GPATCH2: variants seen among roughly 807,000 people sequenced by gnomAD.
GPATCH2 encodes the protein G patch domain-containing protein 2.
In GPATCH2, 51 loss-of-function variants were observed where a neutral mutation model predicts 58.0. The observed-to-expected ratio is 0.88, with a 90% CI of 0.70 to 1.11. The LOEUF is 1.11. GPATCH2 is among the 50% of genes most tolerant of loss of function. The pLI is 0.00. For missense variants in GPATCH2, 625 were observed against 652.2 expected, an observed-to-expected ratio of 0.96 and a Z score of 0.45; for synonymous variants, 222 against 218.5, an observed-to-expected ratio of 1.02 and a Z score of -0.14.
At chr1:217,474,745 GT>G (rs996279330) in intron 8 of GPATCH2, among the ~76,000 whole-genome samples, 33 of 152,052 alleles carry the variant, frequency 2.2e-4, no homozygotes, top group African/African-American at 7.5e-4. Flanking sequence ...TACCTGCTTG[GT>G]ATATTTTGGG....
chr1:217,457,753 C>T (rs535940065), intron 8 of GPATCH2, among the ~76,000 whole-genome samples: 1 of 152,246 alleles, frequency 6.6e-6, no homozygotes, highest in Non-Finnish European at 1.5e-5. Context: ...ACTTTTTCTT[C>T]ATTGTCCATT....
chr1:217,583,588 A>G (rs922729723), intron 5 of GPATCH2, among the ~76,000 whole-genome samples: 1 of 151,480 alleles, frequency 6.6e-6, no homozygotes, highest in Non-Finnish European at 1.5e-5. Flanking sequence ...AAAAAAAAAA[A>G]AAAGATAGAA....
At chr1:217,459,469 T>C (rs1048963121) in intron 8 of GPATCH2, among the ~76,000 whole-genome samples, 9 of 152,184 alleles carry the variant, frequency 5.9e-5, no homozygotes, top group Non-Finnish European at 1.2e-4. Context: ...ACCTAGGAAA[T>C]AGTAGGCACT....
chr1:217,627,592 T>C (rs1340514404), intron 1 of GPATCH2, among the ~76,000 whole-genome samples: 1 of 152,118 alleles, frequency 6.6e-6, no homozygotes, highest in Non-Finnish European at 1.5e-5. Context: ...TCCACTAACT[T>C]GTATTCAATC....
intron 5 of GPATCH2, among the ~76,000 whole-genome samples, chr1:217,593,745 G>A (rs1019444411): frequency 2.0e-5 from 3 of 151,638 alleles, no homozygotes; most frequent in South Asian, 2.1e-4. Flanking sequence ...CTATGTTTTC[G>A]GCAATCTGTA....
intron 8 of GPATCH2, among the ~76,000 whole-genome samples, chr1:217,449,803 G>A (rs1659575287): frequency 6.6e-6 from 1 of 152,088 alleles, no homozygotes; most frequent in Non-Finnish European, 1.5e-5. Flanking sequence ...TTAAATAGAA[G>A]GAAATAGTGA....
Position 217,428,924 on chromosome 1 carries a change from C to G in GPATCH2, c.*2221G>C, listed in dbSNP as rs1352911006. The G allele has an allele frequency of 6.6e-6, 1 of 152,136 alleles. No individual in the cohort carries two copies. The highest frequency in any genetic ancestry group is 1.9e-4 in the East Asian group (1 of 5,184). 9.4% of individuals were successfully genotyped at this position (152,136 alleles called of 1,614,324 possible). ...ACACTAGTCTGGTGTATATACTGCT[C>G]TTCTTCACTATGAGGGTTTTTACTT... On this transcript the variant is annotated 3_prime_UTR_variant, in exon 10 of 10. Transcript: ENST00000366935.
chr1:217,483,579 G>C (rs1661313412), intron 8 of GPATCH2, among the ~76,000 whole-genome samples: 1 of 152,184 alleles, frequency 6.6e-6, no homozygotes, highest in Non-Finnish European at 1.5e-5. Context: ...TATTCACGTG[G>C]AATGCATAGT....
chr1:217,614,331 ATT>A, intron 2 of GPATCH2, 129 bp from the exon 3 acceptor site: 1 of 559,640 alleles, frequency 1.8e-6, no homozygotes, highest in Non-Finnish European at 3.3e-6. Context: ...AAATAAGATG[ATT>A]TTTTTTTTAA....
intron 5 of GPATCH2, among the ~76,000 whole-genome samples, chr1:217,598,930 A>T (rs145820221): frequency 7.9e-5 from 12 of 152,364 alleles, no homozygotes; most frequent in African/African-American, 2.6e-4. Context: ...TGGCAGAGAC[A>T]GAAGATATAA....
At chr1:217,505,442 C>CA (rs1379012200) in intron 6 of GPATCH2, among the ~76,000 whole-genome samples, 61 of 152,192 alleles carry the variant, frequency 4.0e-4, no homozygotes, top group Non-Finnish European at 8.4e-4. Context: ...TCTGCAGATG[C>CA]AGAGTTCCAC....
At position 217,433,819 on chromosome 1, in the gene GPATCH2, C is replaced by T. The variant is rs1165813691; in HGVS notation, c.1367-2454G>A. ...ATATTCTCTGGTAACTTGTGTCTCA[C>T]ATTGTGGGGAACAGCAAGTGAGTCA... On this transcript the variant is annotated intron_variant, in intron 9 of 9. Transcript: ENST00000366935. Among the ~76,000 whole-genome samples the T allele has an allele frequency of 2.0e-5, 3 of 152,238 alleles. No homozygotes were observed. The East Asian group carries it at 5.8e-4, about 29-fold the overall frequency.
At chr1:217,538,875 TG>T (rs1664599259) in intron 5 of GPATCH2, among the ~76,000 whole-genome samples, 1 of 152,198 alleles carries the variant, frequency 6.6e-6, no homozygotes, top group African/African-American at 2.4e-5. Flanking sequence ...TCAAACAGCA[TG>T]GGCATTTAGG....
intron 5 of GPATCH2, among the ~76,000 whole-genome samples, chr1:217,544,935 C>CTGT (rs780252929): frequency 4.6e-5 from 7 of 152,198 alleles, no homozygotes; most frequent in Non-Finnish European, 1.0e-4. Context: ...AGCTCTCCAT[C>CTGT]TGTATATTCT....
At chr1:217,614,001 C>T (rs946203175) in intron 3 of GPATCH2, 140 bp downstream of exon 3, 7 of 566,278 alleles carry the variant, frequency 1.2e-5, no homozygotes, top group African/African-American at 3.8e-5. Flanking sequence ...AAACCAGCTA[C>T]GATACTAAAT....
chr1:217,585,918 T>C (rs1367294542), intron 5 of GPATCH2, among the ~76,000 whole-genome samples: 1 of 152,172 alleles, frequency 6.6e-6, no homozygotes, highest in African/African-American at 2.4e-5. Context: ...TGTTACTGTA[T>C]TGAATAATAT....
At chr1:217,459,304 A>G (rs535101851) in intron 8 of GPATCH2, among the ~76,000 whole-genome samples, 13 of 152,322 alleles carry the variant, frequency 8.5e-5, no homozygotes, top group African/African-American at 2.9e-4. Flanking sequence ...TTACTATGCA[A>G]TGTAATAAAT....
intron 8 of GPATCH2, among the ~76,000 whole-genome samples, chr1:217,480,778 A>T (rs1449289149): frequency 1.3e-5 from 2 of 152,204 alleles, no homozygotes; most frequent in Non-Finnish European, 2.9e-5. Context: ...AAATGTACAT[A>T]TACATAATGG....
At chr1:217,479,831 C>T (rs1661137887) in intron 8 of GPATCH2, among the ~76,000 whole-genome samples, 1 of 151,770 alleles carries the variant, frequency 6.6e-6, no homozygotes, top group African/African-American at 2.4e-5. Context: ...ATACTCCATG[C>T]CAATGGAAAC....
Sources: allele counts gnomAD v4.1 joint callset (sites outside exome capture counted in the v4.1 genomes callset), GRCh38; gene constraint gnomAD v4.1.1; transcripts MANE v1.5; gene names NCBI Gene and HGNC (gene_info 2026-07-23, HGNC 2026-07-21).